SEMA4B: variants seen among roughly 807,000 people sequenced by gnomAD.
SEMA4B encodes semaphorin-4B.
Under a neutral mutation model 88.1 loss-of-function variants are expected in SEMA4B, and 55 were observed. The observed-to-expected ratio is 0.62, with a 90% CI of 0.50 to 0.78. The LOEUF (loss-of-function observed/expected upper bound fraction) is 0.78. Ranked by LOEUF, SEMA4B falls within the 30% of genes least tolerant of loss-of-function variation. The pLI, the probability that SEMA4B is intolerant of heterozygous loss-of-function variation, is 0.00. For synonymous variants in SEMA4B, 525 were observed against 473.6 expected (o/e 1.11, Z -1.41); for missense variants, 1,062 against 1,111.9 (o/e 0.96, Z 0.64).
chr15:90,226,061 C>T (rs1962159153), intron 12 of SEMA4B, among the ~76,000 whole-genome samples: 1 of 152,220 alleles, frequency 6.6e-6, no homozygotes, highest in Non-Finnish European at 1.5e-5. Context: ...TGAAATAGCA[C>T]AGCTTTGAAA....
chr15:90,223,479 C>A, intron 7 of SEMA4B, 80 bp from the exon 8 acceptor site: 1 of 1,324,226 alleles, frequency 7.6e-7, no homozygotes, highest in Non-Finnish European at 1.0e-6. Flanking sequence ...GGGGTGGGTC[C>A]ATTGAGGCAG....
chr15:90,208,632 G>C (rs896863985), intron 1 of SEMA4B, among the ~76,000 whole-genome samples: 1 of 152,228 alleles, frequency 6.6e-6, no homozygotes, highest in Admixed American at 6.5e-5. Context: ...CAGTGATCAA[G>C]TGAGGATTCA....
intron 1 of SEMA4B, among the ~76,000 whole-genome samples, chr15:90,205,978 C>T (rs945427474): frequency 7.9e-5 from 12 of 152,250 alleles, no homozygotes; most frequent in African/African-American, 2.9e-4. Context: ...TGGTTCTGCT[C>T]TGCCTTCAGC....
At chr15:90,221,849 C>A in intron 7 of SEMA4B, 84 bp downstream of exon 7, 2 of 1,319,684 alleles carry the variant, frequency 1.5e-6, no homozygotes, top group Non-Finnish European at 2.0e-6. Flanking sequence ...CCATGCATGG[C>A]CTTTCCCATC....
At position 90,228,419 on chromosome 15, in the gene SEMA4B, G is replaced by T. The variant is rs1385708232; in HGVS notation, c.2290G>T (p.Val764Leu). 1 of 1,605,786 alleles carries T rather than the reference G, an allele frequency of 6.2e-7. No individual in the cohort carries two copies. Residue 764 changes from valine to leucine, a missense_variant, in exon 14 of 14, where the codon GTG becomes TTG. Transcript: ENST00000411539. ...ASVHPKTCPV[V>L]LPPETRPLNG... ...CGTGCACCCCAAGACCTGCCCTGTG[G>T]TGCTGCCCCCTGAGACCCGCCCACT...
In SEMA4B at chr15:90,225,114, G is replaced by GC; in HGVS notation, c.1342dup (p.Arg448ProfsTer23). On this transcript the variant is annotated frameshift_variant, in exon 10 of 14. Coordinates refer to ENST00000411539, the MANE Select transcript of SEMA4B (RefSeq NM_198925.4). LOFTEE classifies it high-confidence loss of function. ...TGCTGCAGCCCCAGGCTCGCTACCA[G>GC]CGCGTGGCTGTACACCGCGTCCCTG... 1 of 1,613,654 alleles carries GC rather than the reference G, an allele frequency of 6.2e-7. No individual in the cohort carries two copies. Among genetic ancestry groups the GC allele is most frequent in the South Asian group, 1.1e-5 (1 of 91,084 alleles).
chr15:90,221,952 A>C (rs1479313385), intron 7 of SEMA4B, among the ~76,000 whole-genome samples, 187 bp downstream of exon 7: 2 of 134,274 alleles, frequency 1.5e-5, no homozygotes, highest in East Asian at 2.2e-4. Context: ...TTTTCTTTTT[A>C]TTTTTAGACA....
At chr15:90,217,942 G>A in intron 3 of SEMA4B, 113 bp downstream of exon 3, 1 of 861,288 alleles carries the variant, frequency 1.2e-6, no homozygotes, top group East Asian at 2.7e-5. Flanking sequence ...TGGTGGGAAG[G>A]GCATAAGCTT....
chr15:90,223,943 G>C lies in SEMA4B; in HGVS notation c.1149G>C (p.Gln383His). The C allele has an allele frequency of 6.2e-7, 1 of 1,613,738 alleles. No individual in the cohort carries two copies. Among genetic ancestry groups the C allele is most frequent in the Non-Finnish European group, 8.5e-7 (1 of 1,179,884 alleles). Residue 383 changes from glutamine (Q) to histidine (H), a missense_variant, in exon 9 of 14, where the codon CAG (glutamine) becomes CAC (histidine). Coordinates refer to ENST00000411539, the MANE Select transcript of SEMA4B (RefSeq NM_198925.4). ...AGGAGGTGAACCGTGAGACACAGCA[G>C]TGGTACACCGTGACCCACCCGGTGC... is the stretch of plus-strand genomic sequence containing the variant. The part of the protein sequence containing the change: ...LYKEVNRETQ[Q>H]WYTVTHPVPT...
rs188725408 is a variant in SEMA4B, at chr15:90,189,955, G to C, written c.-122+4874G>C. Among the ~76,000 whole-genome samples the C allele has an allele frequency of 2.0e-5, 3 of 152,322 alleles. No individual in the cohort carries two copies. The South Asian group carries it at 6.2e-4, about 32-fold the overall frequency. ...CTGGGAGGAGCAAGCAGGGTCAGCC[G>C]TCTTTCAAGGGGTTTGTGGAAACCA... On this transcript the variant is annotated intron_variant, in intron 1 of 14. Coordinates refer to the SEMA4B transcript ENST00000332496.
intron 1 of SEMA4B, chr15:90,215,015 CT>C (rs1246348104): frequency 1.6e-6 from 2 of 1,257,746 alleles, no homozygotes; most frequent in East Asian, 6.0e-5. Context: ...GCGTGTTGCA[CT>C]TTTTGCTTCC....
At chr15:90,210,576 A>G (rs1297093404) in intron 1 of SEMA4B, among the ~76,000 whole-genome samples, 1 of 152,180 alleles carries the variant, frequency 6.6e-6, no homozygotes, top group Non-Finnish European at 1.5e-5. Flanking sequence ...AAACAGAGGT[A>G]ATAAAACACA....
intron 3 of SEMA4B, 80 bp downstream of exon 3, chr15:90,217,909 G>A: frequency 8.0e-7 from 1 of 1,250,528 alleles, no homozygotes. Flanking sequence ...GAGGCGGGAG[G>A]TGGGAGCAGA....
intron 12 of SEMA4B, among the ~76,000 whole-genome samples, chr15:90,227,004 C>T (rs1962206373): frequency 6.6e-6 from 1 of 151,810 alleles, no homozygotes; most frequent in African/African-American, 2.4e-5. Flanking sequence ...CATACAGATC[C>T]CAGCTGTCCT....
At position 90,221,055 on chromosome 15, in the gene SEMA4B, C is replaced by T. The variant is rs1369085853; in HGVS notation, c.557C>T (p.Pro186Leu). ...VLLEDGKGRC[P>L]FDPNFKSTAL... The stretch of plus-strand genomic sequence containing the variant: ...CTGGAAGATGGCAAGGGCCGTTGTC[C>T]CTTCGACCCGAATTTCAAGTCCACT... Residue 186 changes from proline (P) to leucine (L), a missense_variant, in exon 5 of 14, where the codon CCC becomes CTC. Coordinates refer to ENST00000411539, the MANE Select transcript of SEMA4B (RefSeq NM_198925.4). The T allele has an allele frequency of 6.2e-7, 1 of 1,610,244 alleles. No homozygotes were observed. The highest frequency in any genetic ancestry group is 1.7e-5 in the Admixed American group (1 of 59,520).
In SEMA4B at chr15:90,225,212, G is replaced by C. The variant is rs757765396; in HGVS notation, c.1405+34G>C. ...CTGCAGCCCAGCAGGCTCAGGGGAAGGGGTGCACGTGGCTGGTGGGTCATG... is the reference window on the plus strand; with the variant it reads ...CTGCAGCCCAGCAGGCTCAGGGGAACGGGTGCACGTGGCTGGTGGGTCATG... On this transcript the variant is annotated intron_variant, in intron 10 of 13. Transcript: ENST00000411539. 3.8e-6 allele frequency: 6 copies of C among 1,563,640 alleles called. No individual in the cohort carries two copies. The South Asian group carries it at 5.8e-5, about 15-fold the overall frequency.
upstream of SEMA4B, chr15:90,184,957 C>G (rs1465531659): frequency 2.0e-6 from 2 of 985,858 alleles, no homozygotes; most frequent in Non-Finnish European, 2.4e-6. Flanking sequence ...GGCTGTGCGC[C>G]CGAGACTCCG....
intron 1 of SEMA4B, among the ~76,000 whole-genome samples, chr15:90,190,995 C>A (rs1960327617): frequency 6.6e-6 from 1 of 152,230 alleles, no homozygotes; most frequent in South Asian, 2.1e-4. Flanking sequence ...CCCATCTGGT[C>A]TCCCCTGGAC....
intron 1 of SEMA4B, chr15:90,185,187 C>T: frequency 3.6e-6 from 2 of 559,638 alleles, no homozygotes; most frequent in Non-Finnish European, 4.5e-6. Context: ...ACCCGCACCT[C>T]CCGCCCGGCC....
Sources: allele counts gnomAD v4.1 joint callset (sites outside exome capture counted in the v4.1 genomes callset), GRCh38; gene constraint gnomAD v4.1.1; transcripts MANE v1.5; gene names NCBI Gene and HGNC (gene_info 2026-07-23, HGNC 2026-07-21).